Variants in SLC10A7 observed in about 807,000 individuals in gnomAD.
SLC10A7 encodes solute carrier family 10 member 7.
SLC10A7 carries 29 observed loss-of-function variants against 43.2 expected under a neutral mutation model. The ratio of observed to expected loss-of-function variants is 0.67; its 90% confidence interval spans 0.50 to 0.92. SLC10A7 has a LOEUF of 0.92. Ranked by LOEUF, SLC10A7 falls within the 40% of genes least tolerant of loss-of-function variation. The pLI is 0.00. For synonymous variants in SLC10A7, 152 were observed against 144.8 expected (o/e 1.05, Z -0.35); for missense variants, 295 against 403.2 (o/e 0.73, Z 2.30).
chr4:146,358,073 C>CAAA (rs57927989), intron 5 of SLC10A7, among the ~76,000 whole-genome samples: 8 of 134,088 alleles, frequency 6.0e-5, no homozygotes, highest in African/African-American at 1.9e-4. Flanking sequence ...AGCACCCCCA[C>CAAA]AAAAAAAAAA....
intron 5 of SLC10A7, among the ~76,000 whole-genome samples, chr4:146,346,638 GTT>G (rs756725389): frequency 6.6e-6 from 1 of 151,880 alleles, no homozygotes; most frequent in Non-Finnish European, 1.5e-5. Flanking sequence ...TTTCTATTAA[GTT>G]GGTCATTTGA....
intron 5 of SLC10A7, among the ~76,000 whole-genome samples, chr4:146,330,530 G>A (rs1194073677): frequency 6.6e-6 from 1 of 152,046 alleles, no homozygotes; most frequent in African/African-American, 2.4e-5. Context: ...TCTCCCTCAC[G>A]TCCTTATATA....
At chr4:146,296,479 C>G (rs1202743816) in intron 7 of SLC10A7, among the ~76,000 whole-genome samples, 1 of 152,046 alleles carries the variant, frequency 6.6e-6, no homozygotes, top group Non-Finnish European at 1.5e-5. Context: ...CAGGGTCTCC[C>G]AGGTCCACAA....
intron 5 of SLC10A7, among the ~76,000 whole-genome samples, chr4:146,326,413 C>G (rs1056138120): frequency 6.6e-5 from 10 of 152,152 alleles, no homozygotes; most frequent in Admixed American, 2.6e-4. Context: ...GCAAAGACCA[C>G]GTCAGTTGTG....
At chr4:146,410,057 T>G (rs1728073194) in intron 5 of SLC10A7, among the ~76,000 whole-genome samples, 1 of 152,160 alleles carries the variant, frequency 6.6e-6, no homozygotes, top group Admixed American at 6.6e-5. Context: ...TCACAAAGTA[T>G]CTCTCACACA....
intron 4 of SLC10A7, among the ~76,000 whole-genome samples, chr4:146,502,757 G>T (rs1378358143): frequency 2.0e-5 from 3 of 152,128 alleles, no homozygotes; most frequent in African/African-American, 4.8e-5. Context: ...AGCCAGAAAA[G>T]ATTTTAAAAA....
chr4:146,504,647 A>T (rs991661734), intron 3 of SLC10A7, among the ~76,000 whole-genome samples: 3 of 152,340 alleles, frequency 2.0e-5, no homozygotes, highest in Admixed American at 2.0e-4. Flanking sequence ...GAAGTCTCTA[A>T]ATCTTCAAAA....
At chr4:146,340,817 T>C (rs1056297567) in intron 5 of SLC10A7, among the ~76,000 whole-genome samples, 1 of 151,940 alleles carries the variant, frequency 6.6e-6, no homozygotes, top group African/African-American at 2.4e-5. Flanking sequence ...TTTTTAAATA[T>C]CTTCTGCTAA....
intron 6 of SLC10A7, among the ~76,000 whole-genome samples, chr4:146,312,444 T>G (rs1052652475): frequency 6.6e-6 from 1 of 152,164 alleles, no homozygotes; most frequent in African/African-American, 2.4e-5. Flanking sequence ...ATCTTAATAC[T>G]TAAGATCTAA....
chr4:146,267,979 C>T (rs1197321841), intron 10 of SLC10A7, among the ~76,000 whole-genome samples: 1 of 152,074 alleles, frequency 6.6e-6, no homozygotes, highest in Non-Finnish European at 1.5e-5. Flanking sequence ...TTTCCAACCT[C>T]TGAAGCCTGA....
chr4:146,471,810 C>A (rs781185973), intron 4 of SLC10A7, among the ~76,000 whole-genome samples: 2 of 151,994 alleles, frequency 1.3e-5, no homozygotes, highest in Non-Finnish European at 2.9e-5. Context: ...ATTAGTAGAG[C>A]CTGCATTTGA....
intron 5 of SLC10A7, among the ~76,000 whole-genome samples, chr4:146,377,422 C>T (rs1023017594): frequency 6.6e-6 from 1 of 152,136 alleles, no homozygotes; most frequent in Non-Finnish European, 1.5e-5. Flanking sequence ...TGTAACACAC[C>T]CCTGGATGCT....
At chr4:146,425,557 T>C (rs965948692) in intron 5 of SLC10A7, among the ~76,000 whole-genome samples, 1 of 152,150 alleles carries the variant, frequency 6.6e-6, no homozygotes, top group African/African-American at 2.4e-5. Flanking sequence ...CTATAGACGA[T>C]ACAAAATGGA....
chr4:146,469,336 TCAG>T, intron 4 of SLC10A7, among the ~76,000 whole-genome samples: 1 of 152,302 alleles, frequency 6.6e-6, no homozygotes, highest in Non-Finnish European at 1.5e-5. Context: ...GAAATTTAAC[TCAG>T]TCAGCAGTTG....
intron 10 of SLC10A7, among the ~76,000 whole-genome samples, chr4:146,262,802 T>G (rs2111000331): frequency 6.6e-6 from 1 of 152,256 alleles, no homozygotes; most frequent in South Asian, 2.1e-4. Context: ...GCCTTCAGAG[T>G]TGTCCTGTCC....
At chr4:146,260,142 T>A (rs1044756556) in intron 10 of SLC10A7, among the ~76,000 whole-genome samples, 1 of 152,164 alleles carries the variant, frequency 6.6e-6, no homozygotes, top group African/African-American at 2.4e-5. Flanking sequence ...CTAAAGTACA[T>A]GCTTAGATTT....
intron 10 of SLC10A7, among the ~76,000 whole-genome samples, chr4:146,281,297 C>A (rs1466588617): frequency 8.6e-5 from 13 of 151,790 alleles, no homozygotes; most frequent in Admixed American, 8.5e-4. Context: ...TTGTTCAGCA[C>A]AACTAGCTCT....
chr4:146,413,124 GA>G (rs1483493355), intron 5 of SLC10A7, among the ~76,000 whole-genome samples: 1 of 151,846 alleles, frequency 6.6e-6, no homozygotes, highest in Non-Finnish European at 1.5e-5. Flanking sequence ...ATATATGTGG[GA>G]AAACTTCATT....
chr4:146,311,125 A>T (rs1420866463), intron 6 of SLC10A7, among the ~76,000 whole-genome samples: 1 of 152,170 alleles, frequency 6.6e-6, no homozygotes, highest in Non-Finnish European at 1.5e-5. Flanking sequence ...GCCTTAGGAC[A>T]TCAGGGCTTA....
Sources: gnomAD v4.1 joint callset for allele counts (sites outside exome capture counted in the v4.1 genomes callset) on GRCh38, gnomAD v4.1.1 for gene constraint, MANE v1.5 for transcripts, NCBI Gene and HGNC (gene_info 2026-07-23, HGNC 2026-07-21) for gene names.